PLBD1: variants seen among roughly 807,000 people sequenced by gnomAD.
The protein encoded by PLBD1 is phospholipase B domain containing 1, also known as lysosomal leucine aminopeptidase.
In PLBD1, 60 loss-of-function variants were observed where a neutral mutation model predicts 63.0. The ratio of observed to expected loss-of-function variants is 0.95; its 90% CI spans 0.77 to 1.18. The LOEUF (loss-of-function observed/expected upper bound fraction) is 1.18. Ranked by LOEUF, PLBD1 falls within the 50% of genes most tolerant of loss-of-function variation. The pLI, the probability that PLBD1 is intolerant of heterozygous loss-of-function variation, is 0.00. For synonymous variants in PLBD1, 262 were observed against 248.0 expected, an observed-to-expected ratio of 1.06 and a Z score of -0.53; for missense variants, 598 against 677.9, an observed-to-expected ratio of 0.88 and a Z score of 1.31.
Position 14,511,552 on chromosome 12 carries a change from C to A in PLBD1, c.1004G>T (p.Ser335Ile). ...AAAGATGTCTGCCCACCTCTTGCCA[C>A]TATCTGCCATCATATTGGCCACACG... The part of the protein sequence containing the change: ...RVRVANMMAD[S>I]GKRWADIFSK... Residue 335 changes from serine (S) to isoleucine (I), a missense_variant, in exon 7 of 11, where the codon AGT becomes ATT. Coordinates refer to ENST00000240617, the MANE Select transcript of PLBD1 (RefSeq NM_024829.6). The A allele has an allele frequency of 6.2e-7, 1 of 1,614,204 alleles. No homozygotes were observed. Among genetic ancestry groups the A allele is most frequent in the Non-Finnish European group, 8.5e-7 (1 of 1,180,012 alleles).
chr12:14,539,728 G>A (rs1428082132), intron 4 of PLBD1, among the ~76,000 whole-genome samples: 1 of 151,132 alleles, frequency 6.6e-6, no homozygotes, highest in Non-Finnish European at 1.5e-5. Flanking sequence ...AGAGGTTGCA[G>A]TGAGCCAAGA....
intron 6 of PLBD1, among the ~76,000 whole-genome samples, chr12:14,530,598 T>G (rs770635179): frequency 2.6e-5 from 4 of 152,224 alleles, no homozygotes; most frequent in Non-Finnish European, 5.9e-5. Context: ...CTACATGATA[T>G]GACTCAAATT....
chr12:14,567,775 C>G lies in PLBD1; in HGVS notation c.-79G>C. ...GGTGGCAGAAGTTGCAAGAGAGGCT[C>G]CTGGCCTACTCAGGGGCGCCGCCTC... On this transcript the variant is annotated 5_prime_UTR_variant, in exon 1 of 11. Transcript: ENST00000240617. 1 of 1,369,912 alleles carries G rather than the reference C, an allele frequency of 7.3e-7. No individual in the cohort carries two copies. The highest frequency in any genetic ancestry group is 9.3e-7 in the Non-Finnish European group (1 of 1,071,538). 84.9% of individuals were successfully genotyped at this position (1,369,912 alleles called of 1,614,324 possible). A position where few individuals can be genotyped will look rare whatever the true frequency, so the allele number is the denominator to read the frequency against.
At chr12:14,563,002 T>C (rs1477231) in intron 1 of PLBD1, among the ~76,000 whole-genome samples, 1 of 152,200 alleles carries the variant, frequency 6.6e-6, no homozygotes, top group Admixed American at 6.5e-5. Flanking sequence ...CCACCATGAA[T>C]TTTTTTTAAA....
At chr12:14,561,422 A>G (rs1157638097) in intron 1 of PLBD1, among the ~76,000 whole-genome samples, 5 of 151,940 alleles carry the variant, frequency 3.3e-5, no homozygotes, top group African/African-American at 4.8e-5. Context: ...TTAATTATGC[A>G]TTTGTGTCTG....
chr12:14,520,006 T>G (rs1162917611), intron 6 of PLBD1, among the ~76,000 whole-genome samples: 1 of 152,180 alleles, frequency 6.6e-6, no homozygotes, highest in African/African-American at 2.4e-5. Context: ...ATATGAACTG[T>G]GTCCTGTTCC....
chr12:14,555,004 T>C (rs1945690004), intron 1 of PLBD1, among the ~76,000 whole-genome samples: 2 of 152,122 alleles, frequency 1.3e-5, no homozygotes, highest in Non-Finnish European at 2.9e-5. Flanking sequence ...TTTCTCTGTC[T>C]CATAACTTAT....
chr12:14,504,014 C>A (rs1235550214), intron 10 of PLBD1, 60 bp from the exon 11 acceptor site: 4 of 1,485,858 alleles, frequency 2.7e-6, no homozygotes, highest in Non-Finnish European at 3.7e-6. Context: ...AAATTAAATC[C>A]ATGGCCTTCC....
chr12:14,546,710 C>G (rs1945619241), intron 2 of PLBD1, among the ~76,000 whole-genome samples: 1 of 152,118 alleles, frequency 6.6e-6, no homozygotes, highest in Admixed American at 6.5e-5. Context: ...ACAATCCAAC[C>G]CAAAATGTCA....
At chr12:14,553,011 C>T (rs1945671827) in intron 2 of PLBD1, among the ~76,000 whole-genome samples, 182 bp downstream of exon 2, 1 of 152,174 alleles carries the variant, frequency 6.6e-6, no homozygotes, top group East Asian at 1.9e-4. Flanking sequence ...GGCAACAAAG[C>T]GAGACTGTGT....
intron 6 of PLBD1, among the ~76,000 whole-genome samples, chr12:14,515,732 T>C (rs1246105869): frequency 1.3e-5 from 2 of 152,142 alleles, no homozygotes; most frequent in African/African-American, 4.8e-5. Context: ...TATCTTCATG[T>C]GTACCTACTT....
At chr12:14,541,991 T>C (rs996433254) in intron 3 of PLBD1, among the ~76,000 whole-genome samples, 12 of 152,198 alleles carry the variant, frequency 7.9e-5, no homozygotes, top group Non-Finnish European at 1.2e-4. Context: ...GTATGCGATA[T>C]TCAACTCAAC....
At chr12:14,553,669 A>G in intron 1 of PLBD1, 1 of 530,564 alleles carries the variant, frequency 1.9e-6, no homozygotes, top group African/African-American at 1.9e-5. Context: ...GGTGAGCCTG[A>G]GTGTTTCATC....
At chr12:14,554,360 C>T (rs543669566) in intron 1 of PLBD1, 1 of 152,162 alleles carries the variant, frequency 6.6e-6, no homozygotes, top group East Asian at 1.9e-4. Context: ...AGCTTCTCCC[C>T]CTTTGGCATA....
At chr12:14,511,158 A>C (rs894310856) in intron 8 of PLBD1, 102 bp downstream of exon 8, 411 of 796,414 alleles carry the variant, frequency 5.2e-4, no homozygotes, top group Middle Eastern at 8.0e-4. Context: ...CTTCCCCACC[A>C]TACCCTCCCC....
intron 2 of PLBD1, among the ~76,000 whole-genome samples, chr12:14,549,294 G>GTC (rs1945638893): frequency 1.3e-5 from 2 of 152,200 alleles, no homozygotes; most frequent in Non-Finnish European, 2.9e-5. Flanking sequence ...GCACTAACAG[G>GTC]TGGTAGAGGA....
At chr12:14,552,998 C>T (rs1245729063) in intron 2 of PLBD1, among the ~76,000 whole-genome samples, 195 bp downstream of exon 2, 1 of 152,152 alleles carries the variant, frequency 6.6e-6, no homozygotes, top group Admixed American at 6.5e-5. Context: ...TGCACTCCAG[C>T]CTGGCAACAA....
intron 2 of PLBD1, among the ~76,000 whole-genome samples, chr12:14,545,280 A>G (rs1211945457): frequency 1.3e-5 from 2 of 152,226 alleles, no homozygotes; most frequent in East Asian, 3.9e-4. Context: ...ACAAGCAGTT[A>G]AAAGCATCTG....
intron 2 of PLBD1, 69 bp downstream of exon 2, chr12:14,553,124 G>C (rs941842415): frequency 1.5e-6 from 2 of 1,310,916 alleles, no homozygotes; most frequent in Non-Finnish European, 2.2e-6. Context: ...AGGAAGATGA[G>C]AGTCACTGTG....
Sources: gnomAD v4.1 joint callset for allele counts (sites outside exome capture counted in the v4.1 genomes callset) on GRCh38, gnomAD v4.1.1 for gene constraint, MANE v1.5 for transcripts, NCBI Gene and HGNC (gene_info 2026-07-23, HGNC 2026-07-21) for gene names.